TANC2: variants seen among roughly 807,000 people sequenced by gnomAD.
TANC2 encodes protein TANC2.
In TANC2, 26 loss-of-function variants were observed where a neutral mutation model predicts 210.5. The ratio of observed to expected loss-of-function variants is 0.12; its 90% CI spans 0.09 to 0.17. The LOEUF (loss-of-function observed/expected upper bound fraction) is 0.17, where lower values mean the gene tolerates loss of function less well. Among genes scored for constraint, TANC2 ranks in the 10% least tolerant of loss-of-function variants. The pLI is 1.00. For missense variants in TANC2, 2,129 were observed against 2,608.9 expected (o/e 0.82, Z 4.01); for synonymous variants, 931 against 967.1 (o/e 0.96, Z 0.69).
At chr17:63,327,826 A>T (rs2045699333) in intron 11 of TANC2, among the ~76,000 whole-genome samples, 1 of 152,126 alleles carries the variant, frequency 6.6e-6, no homozygotes, top group Admixed American at 6.6e-5. Context: ...CACAATGTGC[A>T]GGTTAGTTAC....
rs2048943806 is a variant in TANC2 at position 63,418,870 on chromosome 17, TCTC to T, written c.4268+467_4268+469del. On this transcript the variant is annotated intron_variant, in intron 27 of 27. Coordinates refer to ENST00000689528, the Ensembl canonical transcript of TANC2. This position sits in a 1 kb window ranked among gnomAD's most constrained non-coding sequence, Gnocchi z 4.6. ...GATTAGTTAGTCTTCCCTCTGGGGCTCTCCTCAAGTCTGGTGGCATCAGACCCC... is the reference window on the plus strand; with the variant it reads ...GATTAGTTAGTCTTCCCTCTGGGGCTCTCAAGTCTGGTGGCATCAGACCCC... Among the ~76,000 whole-genome samples, 1 of 151,476 alleles carries T rather than the reference TCTC, an allele frequency of 6.6e-6. No homozygotes were observed. The highest frequency in any genetic ancestry group is 2.1e-4 in the South Asian group (1 of 4,794).
In TANC2 at chr17:63,106,861, A is replaced by G. The variant is rs1272971639; in HGVS notation, c.322+7504A>G. ...ATGGAAGTCACTCATACAAAGTGAAAGTTTTATTTATAGTATTGTAGTGTT... is the reference window on the plus strand; with the variant it reads ...ATGGAAGTCACTCATACAAAGTGAAGGTTTTATTTATAGTATTGTAGTGTT... On this transcript the variant is annotated intron_variant, in intron 4 of 27. Coordinates refer to ENST00000689528, the Ensembl canonical transcript of TANC2. 1.3e-5 allele frequency among the ~76,000 whole-genome samples: 2 copies of G among 151,652 alleles called. 1 individual carries two copies. The highest frequency in any genetic ancestry group is 4.9e-5 in the African/African-American group (2 of 40,950).
intron 24 of TANC2, 191 bp from the exon 25 acceptor site, chr17:63,413,351 GA>G (rs2048761927): frequency 3.9e-6 from 2 of 508,488 alleles, no homozygotes; most frequent in East Asian, 6.4e-5. Context: ...ATTTTAAGGT[GA>G]ATACAAATCC....
At chr17:63,178,031 C>G (rs2040649514) in intron 5 of TANC2, among the ~76,000 whole-genome samples, 1 of 152,152 alleles carries the variant, frequency 6.6e-6, no homozygotes, top group African/African-American at 2.4e-5. Context: ...GGAGCAGCGC[C>G]TTAAAACCAA....
intron 7 of TANC2, among the ~76,000 whole-genome samples, chr17:63,210,297 A>C (rs1170507408): frequency 6.6e-6 from 1 of 152,104 alleles, no homozygotes; most frequent in Middle Eastern, 3.2e-3. Context: ...TTGGTTCCAC[A>C]ATTTCTCTGT....
At chr17:63,210,625 T>G (rs369464257) in intron 7 of TANC2, among the ~76,000 whole-genome samples, 25 of 152,318 alleles carry the variant, frequency 1.6e-4, no homozygotes, top group African/African-American at 6.0e-4. Context: ...ATTAAATAAC[T>G]AAACATTTTG....
intron 4 of TANC2, among the ~76,000 whole-genome samples, chr17:63,118,492 C>T (rs1395541682): frequency 1.3e-5 from 2 of 152,114 alleles, no homozygotes; most frequent in African/African-American, 4.8e-5. Context: ...TTAGAAATGT[C>T]TTGAAAGTAG....
chr17:63,404,768 C>T (rs1001504316), intron 19 of TANC2, among the ~76,000 whole-genome samples: 1 of 152,074 alleles, frequency 6.6e-6, no homozygotes, highest in Admixed American at 6.5e-5. Context: ...TCTTTAGATT[C>T]CACCCACACG....
chr17:63,415,307 G>A (rs538210422), intron 25 of TANC2, among the ~76,000 whole-genome samples: 2 of 152,332 alleles, frequency 1.3e-5, no homozygotes, highest in African/African-American at 4.8e-5. Flanking sequence ...CTTGTATCTT[G>A]GGTATCCCCT....
Position 63,208,428 on chromosome 17 carries a change from A to G in TANC2, c.769+7471A>G, listed in dbSNP as rs182446754. Among the ~76,000 whole-genome samples, 109 of 152,318 alleles carry G rather than the reference A, an allele frequency of 7.2e-4. 1 individual carries two copies. The highest frequency in any genetic ancestry group is 2.2e-3 in the African/African-American group (92 of 41,580). On this transcript the variant is annotated intron_variant, in intron 7 of 27. Transcript: ENST00000689528. ...TTGTACTGTCTTAATTACAACCGCT[A>G]TAAGTCTTGATACTTGGTAAACAAA...
chr17:63,253,091 G>A (rs2043098385), intron 8 of TANC2, among the ~76,000 whole-genome samples: 1 of 152,012 alleles, frequency 6.6e-6, no homozygotes, highest in Non-Finnish European at 1.5e-5. Context: ...AGTGAACAAG[G>A]GTTCCCTTTT....
chr17:63,412,543 A>T lies in TANC2; in HGVS notation c.3899-137A>T. Reference sequence around the variant, plus strand: ...AGCTGCTCCCCAAGCCCACAGACCTATAGACGAGGGTTGGCTGATATGCTG... The same window carrying T: ...AGCTGCTCCCCAAGCCCACAGACCTTTAGACGAGGGTTGGCTGATATGCTG... On this transcript the variant is annotated intron_variant, in intron 23 of 27. Coordinates refer to ENST00000689528, the Ensembl canonical transcript of TANC2. This position sits in a 1 kb window ranked among gnomAD's most constrained non-coding sequence, Gnocchi z 4.2. 2.5e-6 allele frequency: 2 copies of T among 802,208 alleles called. No homozygotes were observed. Among genetic ancestry groups the T allele is most frequent in the Non-Finnish European group, 4.0e-6 (2 of 498,522 alleles). 49.7% of individuals were successfully genotyped at this position (802,208 alleles called of 1,614,324 possible). A position where few individuals can be genotyped will look rare whatever the true frequency, so the allele number is the denominator to read the frequency against.
intron 4 of TANC2, among the ~76,000 whole-genome samples, chr17:63,102,005 G>T (rs2037640853): frequency 6.6e-6 from 1 of 152,122 alleles, no homozygotes; most frequent in African/African-American, 2.4e-5. Context: ...GACAGTAGTA[G>T]AAAATGAGTT....
intron 9 of TANC2, among the ~76,000 whole-genome samples, chr17:63,306,692 C>T (rs998396584): frequency 3.9e-5 from 6 of 152,184 alleles, no homozygotes; most frequent in African/African-American, 7.2e-5. Flanking sequence ...TGGTGGCTCA[C>T]GCATGTAATC....
intron 4 of TANC2, among the ~76,000 whole-genome samples, chr17:63,125,967 C>T (rs2038692157): frequency 6.6e-6 from 1 of 152,204 alleles, no homozygotes; most frequent in Non-Finnish European, 1.5e-5. Flanking sequence ...TGCCTTACTT[C>T]TGTGTCCTTG....
chr17:63,372,023 C>T (rs775247819), intron 14 of TANC2, among the ~76,000 whole-genome samples: 16 of 152,278 alleles, frequency 1.1e-4, no homozygotes, highest in Non-Finnish European at 1.8e-4. Flanking sequence ...TGTCAAAACA[C>T]GCATACTTAT....
intron 9 of TANC2, among the ~76,000 whole-genome samples, chr17:63,298,910 T>G (rs561098111): frequency 9.9e-5 from 15 of 152,252 alleles, no homozygotes; most frequent in Non-Finnish European, 2.1e-4. Flanking sequence ...CCTAATGCTC[T>G]TCCTCCCCTT....
At chr17:63,408,716 G>A (rs957112525) in intron 21 of TANC2, among the ~76,000 whole-genome samples, 1 of 152,228 alleles carries the variant, frequency 6.6e-6, no homozygotes, top group African/African-American at 2.4e-5. Context: ...CTCCAGAGAT[G>A]CAAAGGTGAT....
At chr17:63,092,282 C>G (rs1478845873) in intron 3 of TANC2, among the ~76,000 whole-genome samples, 2 of 152,048 alleles carry the variant, frequency 1.3e-5, no homozygotes, top group African/African-American at 4.8e-5. Context: ...GGTTTACTTA[C>G]AAACTGCCAA....
Sources: allele counts gnomAD v4.1 joint callset (sites outside exome capture counted in the v4.1 genomes callset), GRCh38; gene constraint gnomAD v4.1.1; non-coding constraint Gnocchi (gnomAD v3.1); transcripts MANE v1.5; gene names NCBI Gene and HGNC (gene_info 2026-07-23, HGNC 2026-07-21).